Variants in ASAP1 observed in about 807,000 individuals in gnomAD.
The protein encoded by ASAP1 is ArfGAP with SH3 domain, ankyrin repeat and PH domain 1, also known as arf-GAP with SH3 domain, ANK repeat and PH domain-containing protein 1.
A neutral mutation model predicts 145.2 loss-of-function variants in ASAP1; 43 were observed. That is an observed-to-expected ratio of 0.30 (90% CI 0.23 to 0.38). The LOEUF (loss-of-function observed/expected upper bound fraction) is 0.38. Among genes scored for constraint, ASAP1 ranks in the 10% least tolerant of loss-of-function variants. The pLI is 1.00. For synonymous variants in ASAP1, 546 were observed against 515.5 expected (o/e 1.06, Z -0.80); for missense variants, 1,018 against 1,355.3 (o/e 0.75, Z 3.91).
In ASAP1 at chr8:130,072,820, T is replaced by TGCGCGCGCGC. The variant is rs1276537977; in HGVS notation, c.2701+3527_2701+3528insGCGCGCGCGC. 9.1e-5 allele frequency among the ~76,000 whole-genome samples: 2 copies of TGCGCGCGCGC among 22,056 alleles called. 1 individual carries two copies. The highest frequency in any genetic ancestry group is 1.4e-3 in the Admixed American group (2 of 1,394). The allele number at this position is 22,056 out of a possible 152,430, so 14.5% of individuals were successfully genotyped here. A position where few individuals can be genotyped will look rare whatever the true frequency, so the allele number is the denominator to read the frequency against. On this transcript the variant is annotated intron_variant, in intron 27 of 29. Transcript: ENST00000518721. ...GTGTGTGTGTGTGTGTGTGTGTGTGTGTGTGCGCGCGGGGGGGGGCAGTTT... is the reference window on the plus strand; with the variant it reads ...GTGTGTGTGTGTGTGTGTGTGTGTGTGCGCGCGCGCGTGTGCGCGCGGGGGGGGGCAGTTT...
intron 1 of ASAP1, among the ~76,000 whole-genome samples, chr8:130,435,038 G>A (rs537338374): frequency 6.6e-6 from 1 of 152,290 alleles, no homozygotes; most frequent in South Asian, 2.1e-4. Flanking sequence ...AAGGCACGCT[G>A]TCCCATCGGC....
chr8:130,349,157 C>A (rs536134606), intron 3 of ASAP1, among the ~76,000 whole-genome samples: 1 of 152,358 alleles, frequency 6.6e-6, no homozygotes, highest in African/African-American at 2.4e-5. Flanking sequence ...TACAGTTACA[C>A]TGAGTTGACA....
intron 24 of ASAP1, among the ~76,000 whole-genome samples, chr8:130,110,454 C>T (rs145301054): frequency 6.6e-6 from 1 of 152,330 alleles, no homozygotes; most frequent in African/African-American, 2.4e-5. Flanking sequence ...AGAATCTCTG[C>T]TCTCTGTCAG....
At chr8:130,211,046 T>G (rs1816548949) in intron 5 of ASAP1, among the ~76,000 whole-genome samples, 1 of 152,198 alleles carries the variant, frequency 6.6e-6, no homozygotes, top group South Asian at 2.1e-4. Context: ...GCTATAAAGC[T>G]GGTGAGGCGG....
chr8:130,115,370 C>T (rs983881750), intron 23 of ASAP1, among the ~76,000 whole-genome samples: 2 of 152,182 alleles, frequency 1.3e-5, no homozygotes, highest in African/African-American at 4.8e-5. Flanking sequence ...TTGAACTTGA[C>T]AGCTCCTTCA....
At chr8:130,210,628 G>T (rs1248200521) in intron 5 of ASAP1, among the ~76,000 whole-genome samples, 1 of 152,180 alleles carries the variant, frequency 6.6e-6, no homozygotes, top group Non-Finnish European at 1.5e-5. Flanking sequence ...ACAGGCCCTG[G>T]TCATTGTGTC....
chr8:130,080,775 G>C (rs2097477890), intron 25 of ASAP1, among the ~76,000 whole-genome samples: 1 of 152,092 alleles, frequency 6.6e-6, no homozygotes, highest in Non-Finnish European at 1.5e-5. Flanking sequence ...TGGGACTACA[G>C]GCATATACCA....
intron 18 of ASAP1, among the ~76,000 whole-genome samples, chr8:130,123,298 T>G (rs898332117): frequency 6.6e-6 from 1 of 152,226 alleles, no homozygotes; most frequent in African/African-American, 2.4e-5. Context: ...GGCAATATTA[T>G]GAGACAGAAT....
At chr8:130,294,335 C>T (rs1269500349) in intron 3 of ASAP1, among the ~76,000 whole-genome samples, 1 of 152,204 alleles carries the variant, frequency 6.6e-6, no homozygotes, top group Non-Finnish European at 1.5e-5. Flanking sequence ...AAAGGTGACA[C>T]TGATTTCCCC....
Position 130,060,873 on chromosome 8 carries a change from T to C in ASAP1, c.2898A>G (p.Pro966=), listed in dbSNP as rs2097417957. The change falls in exon 28 of 30, where the codon CCA becomes CCG. Residue 966 remains proline, a synonymous_variant. Transcript: ENST00000518721. ...PPKPGELPPK[P]QLGDLPPKPQ... ...GTTTGGGTGGCAGGTCCCCCAGCTGTGGTTTGGGGGGCAGTTCTCCTGGCT... is the reference window on the plus strand; with the variant it reads ...GTTTGGGTGGCAGGTCCCCCAGCTGCGGTTTGGGGGGCAGTTCTCCTGGCT... 3 of 1,613,708 alleles carry C rather than the reference T, an allele frequency of 1.9e-6. No homozygotes were observed. The highest frequency in any genetic ancestry group is 1.1e-5 in the South Asian group (1 of 91,058).
chr8:130,217,737 T>C (rs1817025591), intron 4 of ASAP1, among the ~76,000 whole-genome samples: 1 of 152,198 alleles, frequency 6.6e-6, no homozygotes, highest in Non-Finnish European at 1.5e-5. Flanking sequence ...TTAAGAAGCA[T>C]CCCTTTCTGA....
At chr8:130,400,575 C>T (rs921331568) in intron 2 of ASAP1, among the ~76,000 whole-genome samples, 2 of 151,606 alleles carry the variant, frequency 1.3e-5, no homozygotes, top group African/African-American at 4.8e-5. Context: ...ATCACGAGGT[C>T]AGGAGATCAA....
chr8:130,331,849 T>C (rs12681590), intron 3 of ASAP1, among the ~76,000 whole-genome samples: 15,203 of 152,038 alleles, frequency 0.1, 893 homozygotes, highest in African/African-American at 0.16. Context: ...GGGAGAATGA[T>C]CAGAATCCAC....
chr8:130,338,712 T>C (rs1825191338), intron 3 of ASAP1, among the ~76,000 whole-genome samples: 1 of 152,236 alleles, frequency 6.6e-6, no homozygotes, highest in African/African-American at 2.4e-5. Flanking sequence ...TCTGTGGGCC[T>C]GGTTTCCTCA....
At chr8:130,364,990 C>A (rs1007005701) in intron 2 of ASAP1, among the ~76,000 whole-genome samples, 10 of 152,114 alleles carry the variant, frequency 6.6e-5, no homozygotes, top group African/African-American at 2.4e-4. Context: ...CAAACAAACA[C>A]CTTGTATCTT....
intron 27 of ASAP1, among the ~76,000 whole-genome samples, chr8:130,067,680 T>C (rs1592724601): frequency 6.6e-6 from 1 of 152,138 alleles, no homozygotes; most frequent in Non-Finnish European, 1.5e-5. Context: ...GGATTACAGG[T>C]GTGAGCCACC....
intron 2 of ASAP1, among the ~76,000 whole-genome samples, chr8:130,379,035 C>T (rs535496851): frequency 9.6e-4 from 146 of 152,172 alleles, no homozygotes; most frequent in African/African-American, 3.2e-3. Context: ...GCTAATGAGA[C>T]GGCCAAAAAG....
intron 4 of ASAP1, among the ~76,000 whole-genome samples, chr8:130,234,714 G>T (rs376467538): frequency 4.6e-5 from 7 of 152,106 alleles, no homozygotes; most frequent in Non-Finnish European, 8.8e-5. Context: ...CCCTCAGCAC[G>T]GTAAATACAG....
intron 1 of ASAP1, among the ~76,000 whole-genome samples, chr8:130,424,586 A>G (rs1829843673): frequency 6.6e-6 from 1 of 152,154 alleles, no homozygotes; most frequent in South Asian, 2.1e-4. Flanking sequence ...GGCTGGAAAC[A>G]CTGCCCTTCT....
Sources: allele counts gnomAD v4.1 joint callset (sites outside exome capture counted in the v4.1 genomes callset), GRCh38; gene constraint gnomAD v4.1.1; transcripts MANE v1.5; gene names NCBI Gene and HGNC (gene_info 2026-07-23, HGNC 2026-07-21).